The following FER variants were observed in gnomAD, a reference collection of about 807,000 sequenced individuals.
The protein encoded by FER is FER tyrosine kinase.
Under a neutral mutation model 111.0 loss-of-function variants are expected in FER, and 63 were observed. The ratio of observed to expected loss-of-function variants is 0.57; its 90% CI spans 0.46 to 0.70. The LOEUF is 0.70. Ranked by LOEUF, FER falls within the 30% of genes least tolerant of loss-of-function variation. FER has a pLI of 0.00. For missense variants in FER, 914 were observed against 954.0 expected (o/e 0.96, Z 0.55); for synonymous variants, 327 against 313.9 (o/e 1.04, Z -0.44).
chr5:109,143,035 A>G (rs540742019), intron 17 of FER, among the ~76,000 whole-genome samples: 1 of 152,108 alleles, frequency 6.6e-6, no homozygotes, highest in Non-Finnish European at 1.5e-5. Context: ...GCAACCTTGC[A>G]CCACTTCTGG....
In FER at chr5:108,805,065, G is replaced by A. The variant is rs150824108; in HGVS notation, c.207+6676G>A. Among the ~76,000 whole-genome samples the A allele has an allele frequency of 8.0e-4, 122 of 151,618 alleles. No homozygotes were observed. In the East Asian group the frequency reaches 0.022, roughly 27 times the overall value. Reference sequence around the variant, plus strand: ...TTCAGTTTCTTCCTTGATATGGTTCGGCTGTGTCCCCACCCAAATCTCATC... The same window carrying A: ...TTCAGTTTCTTCCTTGATATGGTTCAGCTGTGTCCCCACCCAAATCTCATC... On this transcript the variant is annotated intron_variant, in intron 3 of 19. Coordinates refer to ENST00000281092, the MANE Select transcript of FER (RefSeq NM_005246.4).
At chr5:108,849,159 T>C (rs1762307600) in intron 5 of FER, among the ~76,000 whole-genome samples, 1 of 152,140 alleles carries the variant, frequency 6.6e-6, no homozygotes, top group Non-Finnish European at 1.5e-5. Context: ...GTTTGTGTTT[T>C]TTGAGCTTCT....
chr5:108,788,319 C>T (rs966822852), intron 2 of FER, among the ~76,000 whole-genome samples: 6 of 152,162 alleles, frequency 3.9e-5, no homozygotes, highest in Non-Finnish European at 7.3e-5. Flanking sequence ...ACAGATCCCG[C>T]GCTTGCTCAC....
chr5:108,925,288 G>A (rs78438786), intron 10 of FER, among the ~76,000 whole-genome samples: 2,135 of 151,992 alleles, frequency 0.014, 29 homozygotes, highest in Non-Finnish European at 0.019. Context: ...AACTAATAAT[G>A]TTTTTCTTGA....
At chr5:109,022,764 A>G (rs976362112) in intron 13 of FER, among the ~76,000 whole-genome samples, 9 of 152,236 alleles carry the variant, frequency 5.9e-5, no homozygotes, top group African/African-American at 2.2e-4. Context: ...TATTCCAGCT[A>G]GGGTAACTAT....
chr5:108,899,982 A>G (rs1049457229), intron 10 of FER, among the ~76,000 whole-genome samples: 5 of 152,312 alleles, frequency 3.3e-5, no homozygotes, highest in African/African-American at 7.2e-5. Context: ...TTCAATGGTG[A>G]TAATACTTAA....
Position 109,084,218 on chromosome 5 carries a change from C to T in FER, c.1925-16178C>T, listed in dbSNP as rs572995474. 3.3e-5 allele frequency among the ~76,000 whole-genome samples: 5 copies of T among 152,072 alleles called. No individual in the cohort carries two copies. In the South Asian group the frequency reaches 1.0e-3, roughly 32 times the overall value. ...TGACTTTTAAAAGAGATTAATTTTG[C>T]CTATTTTTGAACTTTATGTGAATGA... is the stretch of plus-strand genomic sequence containing the variant. On this transcript the variant is annotated intron_variant, in intron 16 of 19. Transcript: ENST00000281092.
At chr5:108,779,817 A>G (rs1290191954) in intron 2 of FER, among the ~76,000 whole-genome samples, 1 of 152,196 alleles carries the variant, frequency 6.6e-6, no homozygotes, top group Non-Finnish European at 1.5e-5. Context: ...TAGGACTTCC[A>G]GTAAGATGTT....
intron 17 of FER, among the ~76,000 whole-genome samples, chr5:109,106,422 G>A (rs745943015): frequency 2.9e-4 from 44 of 152,052 alleles, no homozygotes; most frequent in Non-Finnish European, 7.4e-5. Context: ...AAACACACAG[G>A]ATTAACATAG....
chr5:109,122,486 T>G (rs1751107550), intron 17 of FER, among the ~76,000 whole-genome samples: 1 of 151,840 alleles, frequency 6.6e-6, no homozygotes, highest in East Asian at 1.9e-4. Context: ...GCTTCCTAAT[T>G]TATGGTCTGT....
intron 16 of FER, among the ~76,000 whole-genome samples, chr5:109,095,515 T>C (rs1432271532): frequency 2.6e-5 from 4 of 152,050 alleles, no homozygotes; most frequent in Non-Finnish European, 4.4e-5. Context: ...ATATACCCTA[T>C]ATGTAGCAGC....
In FER at chr5:109,062,022, TTTGCTTGCTTGC is replaced by T. The variant is rs112245118; in HGVS notation, c.1924+14843_1924+14854del. On this transcript the variant is annotated intron_variant, in intron 16 of 19. Coordinates refer to ENST00000281092, the MANE Select transcript of FER (RefSeq NM_005246.4). Reference sequence around the variant, plus strand: ...GAATCATCTCTTGAATTATGAATACTTTGCTTGCTTGCTTGCTTGCTTGCTTGCTTATGAGTT... The same window carrying T: ...GAATCATCTCTTGAATTATGAATACTTTGCTTGCTTGCTTGCTTATGAGTT... Among the ~76,000 whole-genome samples, 10 of 150,536 alleles carry T rather than the reference TTTGCTTGCTTGC, an allele frequency of 6.6e-5. No individual in the cohort carries two copies. The South Asian group carries it at 1.1e-3, about 16-fold the overall frequency.
At chr5:109,144,149 T>G (rs1483764153) in intron 17 of FER, among the ~76,000 whole-genome samples, 1 of 152,154 alleles carries the variant, frequency 6.6e-6, no homozygotes, top group Non-Finnish European at 1.5e-5. Context: ...GAGAGCTCTC[T>G]GGACTCTGAA....
intron 16 of FER, among the ~76,000 whole-genome samples, chr5:109,100,080 T>C (rs1005514390): frequency 6.6e-6 from 1 of 151,780 alleles, no homozygotes; most frequent in Non-Finnish European, 1.5e-5. Context: ...CTATAGATTT[T>C]AGTGAAGCAA....
intron 16 of FER, among the ~76,000 whole-genome samples, chr5:109,056,311 A>G (rs1332907228): frequency 1.3e-5 from 2 of 152,206 alleles, no homozygotes; most frequent in Non-Finnish European, 1.5e-5. Context: ...CAAGATACGG[A>G]AAAAAACTAA....
chr5:108,930,152 T>G (rs1754353620), intron 10 of FER, among the ~76,000 whole-genome samples: 1 of 151,928 alleles, frequency 6.6e-6, no homozygotes, highest in African/African-American at 2.4e-5. Context: ...TTTTTTGTCT[T>G]TCTTTTTTGT....
intron 16 of FER, among the ~76,000 whole-genome samples, chr5:109,094,273 A>T (rs532494320): frequency 4.6e-5 from 7 of 152,218 alleles, no homozygotes; most frequent in African/African-American, 1.7e-4. Flanking sequence ...TAGACAAAAC[A>T]ATCATAAGCA....
intron 17 of FER, among the ~76,000 whole-genome samples, chr5:109,139,347 T>TTTG (rs1179332940): frequency 1.2e-5 from 1 of 84,284 alleles, no homozygotes; most frequent in African/African-American, 4.7e-5. Flanking sequence ...TCCTTCTTTC[T>TTTG]TTCTTTTTTT....
At chr5:109,162,257 C>T (rs953608171) in intron 17 of FER, among the ~76,000 whole-genome samples, 10 of 152,154 alleles carry the variant, frequency 6.6e-5, no homozygotes, top group Admixed American at 1.3e-4. Flanking sequence ...CAGTCTGTTT[C>T]GTAAGAGTTC....
Sources: allele counts gnomAD v4.1 joint callset (sites outside exome capture counted in the v4.1 genomes callset), GRCh38; gene constraint gnomAD v4.1.1; transcripts MANE v1.5; gene names NCBI Gene and HGNC (gene_info 2026-07-23, HGNC 2026-07-21).